CDS1: variants seen among roughly 807,000 people sequenced by gnomAD.
CDS1 encodes CDP-diacylglycerol synthase 1.
A neutral mutation model predicts 62.1 loss-of-function variants in CDS1; 41 were observed. The observed-to-expected ratio is 0.66, with a 90% confidence interval of 0.51 to 0.86. The LOEUF is 0.86. Among genes scored for constraint, CDS1 ranks in the 40% least tolerant of loss-of-function variants. CDS1 has a pLI of 0.00. For missense variants in CDS1, 470 were observed against 550.1 expected, an observed-to-expected ratio of 0.85 and a Z score of 1.46; for synonymous variants, 185 against 192.6, an observed-to-expected ratio of 0.96 and a Z score of 0.32.
chr4:84,643,271 G>A (rs529329560), intron 11 of CDS1, 128 bp downstream of exon 11: 10 of 785,300 alleles, frequency 1.3e-5, no homozygotes, highest in African/African-American at 1.0e-4. Flanking sequence ...TATTTGTTTC[G>A]ACCCCACAGA....
intron 2 of CDS1, among the ~76,000 whole-genome samples, chr4:84,608,863 C>T (rs1723216270): frequency 6.6e-6 from 1 of 151,866 alleles, no homozygotes; most frequent in South Asian, 2.1e-4. Context: ...CGGTTTATTC[C>T]CCACTCACAT....
At chr4:84,585,789 G>A (rs1722398598) in intron 1 of CDS1, among the ~76,000 whole-genome samples, 1 of 152,202 alleles carries the variant, frequency 6.6e-6, no homozygotes, top group Non-Finnish European at 1.5e-5. Context: ...CTTCTTACCT[G>A]CAGAGGAATG....
intron 5 of CDS1, among the ~76,000 whole-genome samples, chr4:84,628,049 G>A (rs944977661): frequency 2.6e-5 from 4 of 152,110 alleles, no homozygotes; most frequent in African/African-American, 9.7e-5. Context: ...GAACAACTCA[G>A]TTATAGCCTG....
intron 1 of CDS1, among the ~76,000 whole-genome samples, chr4:84,596,602 C>T (rs1405088624): frequency 1.1e-4 from 16 of 152,344 alleles, no homozygotes; most frequent in South Asian, 8.3e-4. Flanking sequence ...AAGCTCACCA[C>T]GTCAAGATCA....
At chr4:84,596,931 T>C (rs1042036858) in intron 1 of CDS1, among the ~76,000 whole-genome samples, 1 of 152,166 alleles carries the variant, frequency 6.6e-6, no homozygotes, top group African/African-American at 2.4e-5. Context: ...GAAGCTTTAG[T>C]TCTGCAGAGC....
intron 5 of CDS1, among the ~76,000 whole-genome samples, chr4:84,623,060 T>A (rs1723739369): frequency 6.6e-6 from 1 of 152,336 alleles, no homozygotes; most frequent in Admixed American, 6.5e-5. Context: ...TATTTTCAGA[T>A]GTTTACACAA....
Position 84,635,257 on chromosome 4 carries a change from A to T in CDS1, c.723-7A>T, listed in dbSNP as rs1430173461. The T allele has an allele frequency of 6.8e-6, 10 of 1,460,678 alleles. No individual in the cohort carries two copies. In the African/African-American group the frequency reaches 1.4e-4, roughly 21 times the overall value. The allele number at this position is 1,460,678 out of a possible 1,614,324, so 90.5% of individuals were successfully genotyped here. A position where few individuals can be genotyped will look rare whatever the true frequency, so the allele number is the denominator to read the frequency against. On this transcript the variant is annotated splice_polypyrimidine_tract_variant and splice_region_variant and intron_variant, in intron 7 of 12. Coordinates refer to ENST00000295887, the MANE Select transcript of CDS1 (RefSeq NM_001263.4). ...CTGCTGACTTTTTTTTTTTTTTTTA[A>T]AAACAGGTTCCTTGTTCCAATATCA... is the stretch of plus-strand genomic sequence containing the variant.
intron 3 of CDS1, among the ~76,000 whole-genome samples, chr4:84,612,790 C>A (rs1172967948): frequency 6.6e-6 from 1 of 151,798 alleles, no homozygotes; most frequent in Non-Finnish European, 1.5e-5. Context: ...CAGTTTGAGA[C>A]CAGCCTGGCC....
intron 1 of CDS1, among the ~76,000 whole-genome samples, chr4:84,595,040 T>C (rs920263223): frequency 2.0e-5 from 3 of 152,018 alleles, no homozygotes; most frequent in Non-Finnish European, 4.4e-5. Flanking sequence ...ATCCAAGAGG[T>C]GGCCAAAATC....
rs527659040 is a variant in CDS1 at position 84,650,225 on chromosome 4, G to A, written c.*1539G>A. 1.3e-5 allele frequency: 2 copies of A among 152,142 alleles called. No individual in the cohort carries two copies. The highest frequency in any genetic ancestry group is 2.9e-5 in the Non-Finnish European group (2 of 68,036). 9.4% of individuals were successfully genotyped at this position (152,142 alleles called of 1,614,324 possible). A position where few individuals can be genotyped will look rare whatever the true frequency, so the allele number is the denominator to read the frequency against. ...CCAGCACCTCCTCACATGCACACAT[G>A]ATTAGACATAGGTGCACTCGGTACC... is the stretch of plus-strand genomic sequence containing the variant. On this transcript the variant is annotated 3_prime_UTR_variant, in exon 13 of 13. Transcript: ENST00000295887.
rs542037733 is a variant in CDS1 at position 84,650,157 on chromosome 4, A to C, written c.*1471A>C. 6.6e-6 allele frequency: 1 copy of C among 152,274 alleles called. No individual in the cohort carries two copies. Among genetic ancestry groups the C allele is most frequent in the African/African-American group, 2.4e-5 (1 of 41,550 alleles). The allele number at this position is 152,274 out of a possible 1,614,324, so 9.4% of individuals were successfully genotyped here. ...TATATTTCCGTCTACTATACCTAAA[A>C]CAAAAGATTGCCGTTATACCTGGGT... On this transcript the variant is annotated 3_prime_UTR_variant, in exon 13 of 13. Coordinates refer to ENST00000295887, the MANE Select transcript of CDS1 (RefSeq NM_001263.4).
At position 84,639,297 on chromosome 4, in the gene CDS1, T is replaced by G. The variant is rs145049010; in HGVS notation, c.879+305T>G. Among the ~76,000 whole-genome samples, 367 of 152,238 alleles carry G rather than the reference T, an allele frequency of 2.4e-3. 1 individual carries two copies. The highest frequency in any genetic ancestry group is 8.6e-3 in the African/African-American group (356 of 41,536). On this transcript the variant is annotated intron_variant, in intron 9 of 12. Coordinates refer to ENST00000295887, the MANE Select transcript of CDS1 (RefSeq NM_001263.4). ...CTGACTTACTGTTGTGCTGTTGTGT[T>G]TGGTAGTTTCTAACAGCTATTCTGC...
At chr4:84,647,573 A>G (rs1190619557) in intron 12 of CDS1, among the ~76,000 whole-genome samples, 1 of 152,116 alleles carries the variant, frequency 6.6e-6, no homozygotes, top group African/African-American at 2.4e-5. Flanking sequence ...CTTGGGGTTT[A>G]TGCTGTGAAG....
At chr4:84,599,768 A>C (rs1454877018) in intron 1 of CDS1, among the ~76,000 whole-genome samples, 7 of 152,042 alleles carry the variant, frequency 4.6e-5, no homozygotes, top group Non-Finnish European at 1.0e-4. Context: ...AAAGTAACAT[A>C]ATTTGTCCAT....
chr4:84,587,639 G>T (rs112308636), intron 1 of CDS1, among the ~76,000 whole-genome samples: 5,822 of 152,270 alleles, frequency 0.038, 129 homozygotes, highest in South Asian at 0.055. Flanking sequence ...GACTTATGTA[G>T]AGACCAAGGG....
chr4:84,644,132 G>A (rs1454742121), intron 11 of CDS1, among the ~76,000 whole-genome samples: 3 of 152,164 alleles, frequency 2.0e-5, no homozygotes, highest in African/African-American at 7.2e-5. Context: ...CGGGGTCAGG[G>A]AATAAGTGAA....
Position 84,583,421 on chromosome 4 carries a change from G to A in CDS1, c.20G>A (p.Arg7Gln), listed in dbSNP as rs764837043. The change falls in exon 1 of 13, where the codon CGG becomes CAG. Residue 7 changes from arginine (R) to glutamine (Q), a missense_variant. Around this residue, in one of 5 missense-constraint regions of CDS1, gnomAD observed 150 missense variants for 142.0 expected, o/e 1.06. Coordinates refer to ENST00000295887, the MANE Select transcript of CDS1 (RefSeq NM_001263.4). MLELRH[R>Q]GSCPGPREAV... is the part of the protein sequence containing the mutation. ...CGGAAGATGTTGGAGCTGAGGCACC[G>A]GGGAAGCTGCCCCGGCCCCAGGGAA... 89 of 1,599,032 alleles carry A rather than the reference G, an allele frequency of 5.6e-5. No homozygotes were observed. The highest frequency in any genetic ancestry group is 7.5e-5 in the Non-Finnish European group (88 of 1,173,484).
At chr4:84,599,091 A>G (rs1355824134) in intron 1 of CDS1, among the ~76,000 whole-genome samples, 1 of 152,140 alleles carries the variant, frequency 6.6e-6, no homozygotes, top group Non-Finnish European at 1.5e-5. Flanking sequence ...TTGATTTCTT[A>G]TAAATCTGGA....
chr4:84,614,283 G>T (rs1041936731), intron 3 of CDS1, among the ~76,000 whole-genome samples: 4 of 152,086 alleles, frequency 2.6e-5, no homozygotes, highest in African/African-American at 7.2e-5. Flanking sequence ...AAAAAGTTTT[G>T]TGTTGTTCTG....
Sources: allele counts gnomAD v4.1 joint callset (sites outside exome capture counted in the v4.1 genomes callset), GRCh38; gene constraint gnomAD v4.1.1; regional missense constraint gnomAD v4.1.1; transcripts MANE v1.5; gene names NCBI Gene and HGNC (gene_info 2026-07-23, HGNC 2026-07-21).